Variants in CD47 observed in about 807,000 individuals in gnomAD.
CD47 encodes CD47 molecule.
In CD47, 11 loss-of-function variants were observed where a neutral mutation model predicts 44.6. That is an observed-to-expected ratio of 0.25 (90% CI 0.16 to 0.41). The LOEUF is 0.41. Among genes scored for constraint, CD47 ranks in the 10% least tolerant of loss-of-function variants. The probability of loss-of-function intolerance (pLI) is 1.00; values close to 1 mark genes in which losing one functional copy is unlikely to be tolerated. For missense variants in CD47, 306 were observed against 386.7 expected (o/e 0.79, Z 1.75); for synonymous variants, 140 against 136.3 (o/e 1.03, Z -0.19).
intron 4 of CD47, 102 bp downstream of exon 4, chr3:108,060,643 G>T: frequency 1.4e-6 from 1 of 731,070 alleles, no homozygotes. Flanking sequence ...CCCAGTTTGT[G>T]GTCATCTGTT....
intron 3 of CD47, among the ~76,000 whole-genome samples, chr3:108,066,654 A>AT: frequency 6.6e-6 from 1 of 152,240 alleles, no homozygotes; most frequent in African/African-American, 2.4e-5. Flanking sequence ...AAATCAAAAG[A>AT]GGAAACTAGG....
At chr3:108,067,510 G>C (rs980994539) in intron 3 of CD47, among the ~76,000 whole-genome samples, 40 of 152,200 alleles carry the variant, frequency 2.6e-4, no homozygotes, top group Admixed American at 2.6e-3. Context: ...AATGATATCA[G>C]AGTGAGAAAG....
At chr3:108,063,698 T>C (rs994599112) in intron 3 of CD47, among the ~76,000 whole-genome samples, 1 of 152,224 alleles carries the variant, frequency 6.6e-6, no homozygotes, top group Non-Finnish European at 1.5e-5. Context: ...AATAACTCAA[T>C]GTGTTGTTAA....
At chr3:108,089,011 C>T (rs751512168) in intron 1 of CD47, among the ~76,000 whole-genome samples, 2 of 152,350 alleles carry the variant, frequency 1.3e-5, no homozygotes, top group Non-Finnish European at 2.9e-5. Flanking sequence ...AGATCCATCA[C>T]TTTCTTACTC....
intron 1 of CD47, among the ~76,000 whole-genome samples, chr3:108,083,957 T>A (rs2079467444): frequency 6.6e-6 from 1 of 151,688 alleles, no homozygotes; most frequent in African/African-American, 2.4e-5. Flanking sequence ...CTAGTTTCCA[T>A]TTCTGCCTCC....
chr3:108,048,080 A>G (rs1270467875), intron 10 of CD47, among the ~76,000 whole-genome samples: 1 of 152,156 alleles, frequency 6.6e-6, no homozygotes, highest in African/African-American at 2.4e-5. Flanking sequence ...AAAATAGGAC[A>G]TCAGAATGTA....
At chr3:108,057,017 T>A (rs1274724951) in intron 7 of CD47, among the ~76,000 whole-genome samples, 3 of 152,192 alleles carry the variant, frequency 2.0e-5, no homozygotes, top group Non-Finnish European at 4.4e-5. Flanking sequence ...CTGGGGTGTC[T>A]ATGTCTGCAA....
At chr3:108,090,672 G>A (rs1398076110) in intron 1 of CD47, among the ~76,000 whole-genome samples, 191 bp downstream of exon 1, 1 of 152,118 alleles carries the variant, frequency 6.6e-6, no homozygotes. Context: ...GGGAAAGGAA[G>A]GGAGGAAGAA....
At chr3:108,071,786 CAG>C (rs2079207567) in intron 2 of CD47, among the ~76,000 whole-genome samples, 2 of 152,182 alleles carry the variant, frequency 1.3e-5, no homozygotes, top group South Asian at 4.1e-4. Flanking sequence ...CCTGTAAAGA[CAG>C]ACTCAGGGAA....
At chr3:108,064,114 C>A (rs951383575) in intron 3 of CD47, among the ~76,000 whole-genome samples, 1 of 152,182 alleles carries the variant, frequency 6.6e-6, no homozygotes, top group Admixed American at 6.5e-5. Flanking sequence ...TAGTCTAAAT[C>A]AAGGAACAAG....
intron 10 of CD47, among the ~76,000 whole-genome samples, chr3:108,048,371 GTTTTT>G (rs146476512): frequency 2.5e-5 from 2 of 79,582 alleles, no homozygotes; most frequent in Admixed American, 1.7e-4. Context: ...TGACTGGAGT[GTTTTT>G]TTTTTTTTTT....
At chr3:108,067,606 C>T (rs775527394) in intron 3 of CD47, among the ~76,000 whole-genome samples, 26 of 152,256 alleles carry the variant, frequency 1.7e-4, no homozygotes, top group East Asian at 7.7e-4. Context: ...ACAAACAAAG[C>T]GTCTGAAATT....
intron 3 of CD47, among the ~76,000 whole-genome samples, chr3:108,067,892 A>T (rs756536847): frequency 6.6e-6 from 1 of 152,204 alleles, no homozygotes; most frequent in African/African-American, 2.4e-5. Context: ...TCTGGTATAA[A>T]GAAACTCTTT....
Position 108,057,462 on chromosome 3 carries a change from A to G in CD47, c.877+15T>C. The stretch of plus-strand genomic sequence containing the variant: ...AAATTATTGGCATAGGTTAATGAAA[A>G]TAAGATTGACTTACCCACAAATTTC... On this transcript the variant is annotated intron_variant, in intron 7 of 10. Transcript: ENST00000361309. 8.3e-7 allele frequency: 1 copy of G among 1,205,412 alleles called. No homozygotes were observed. The highest frequency in any genetic ancestry group is 1.2e-5 in the South Asian group (1 of 80,582). The allele number at this position is 1,205,412 out of a possible 1,614,324, so 74.7% of individuals were successfully genotyped here.
At chr3:108,051,161 T>C (rs1021703244) in intron 8 of CD47, among the ~76,000 whole-genome samples, 1 of 152,190 alleles carries the variant, frequency 6.6e-6, no homozygotes, top group Non-Finnish European at 1.5e-5. Flanking sequence ...TAGAAGCATA[T>C]GTGACCTCTA....
At chr3:108,075,819 C>A (rs1006057583) in intron 2 of CD47, among the ~76,000 whole-genome samples, 2 of 152,176 alleles carry the variant, frequency 1.3e-5, no homozygotes, top group Middle Eastern at 3.2e-3. Flanking sequence ...CAAGTGGTCT[C>A]TTAAAAGGGT....
At position 108,045,581 on chromosome 3, in the gene CD47, G is replaced by A. The variant is rs2078709423; in HGVS notation, c.*1707C>T. 1 of 151,554 alleles carries A rather than the reference G, an allele frequency of 6.6e-6. No individual in the cohort carries two copies. Among genetic ancestry groups the A allele is most frequent in the Non-Finnish European group, 1.5e-5 (1 of 67,864 alleles). The allele number at this position is 151,554 out of a possible 1,614,324, so 9.4% of individuals were successfully genotyped here. On this transcript the variant is annotated 3_prime_UTR_variant, in exon 11 of 11. Coordinates refer to ENST00000361309, the MANE Select transcript of CD47 (RefSeq NM_001777.4). ...CATATTTTTTTTTTCAAGAAGAGCT[G>A]TCTTGCTAGTATGCTCAGTTTTCTG... is the stretch of plus-strand genomic sequence containing the variant.
chr3:108,049,793 G>A (rs2078793549), intron 9 of CD47, 142 bp from the exon 10 acceptor site: 1 of 668,424 alleles, frequency 1.5e-6, no homozygotes, highest in Non-Finnish European at 2.7e-6. Context: ...ATTTCATTAT[G>A]TAGCCTTTCT....
chr3:108,069,415 A>C (rs777241987), intron 3 of CD47, among the ~76,000 whole-genome samples: 17 of 152,126 alleles, frequency 1.1e-4, no homozygotes, highest in Non-Finnish European at 2.1e-4. Flanking sequence ...TTTAAAAAAA[A>C]GATAACAAAA....
Sources: gnomAD v4.1 joint callset for allele counts (sites outside exome capture counted in the v4.1 genomes callset) on GRCh38, gnomAD v4.1.1 for gene constraint, MANE v1.5 for transcripts, NCBI Gene and HGNC (gene_info 2026-07-23, HGNC 2026-07-21) for gene names.